The following FBXO17 variants were observed in gnomAD, a reference collection of about 807,000 sequenced individuals.
The protein encoded by FBXO17 is F-box protein 17.
FBXO17 carries 43 observed loss-of-function variants against 34.1 expected under a neutral mutation model. The ratio of observed to expected loss-of-function variants is 1.26; its 90% CI spans 0.99 to 1.62. The LOEUF (loss-of-function observed/expected upper bound fraction) is 1.62. Among genes scored for constraint, FBXO17 ranks in the 40% most tolerant of loss-of-function variants. The pLI, the probability that FBXO17 is intolerant of heterozygous loss-of-function variation, is 0.00. For missense variants in FBXO17, 424 were observed against 386.7 expected (o/e 1.10, Z -0.81); for synonymous variants, 169 against 166.0 (o/e 1.02, Z -0.14).
At chr19:38,962,706 CTTTTTT>C (rs1600201481) in intron 1 of FBXO17, among the ~76,000 whole-genome samples, 2 of 150,554 alleles carry the variant, frequency 1.3e-5, no homozygotes, top group East Asian at 3.9e-4. Flanking sequence ...TTCTTTCTTT[CTTTTTT>C]CTTTTTCTTT....
In FBXO17 at chr19:38,954,127, C is replaced by G. The variant is rs1015744627; in HGVS notation, c.-17-3791G>C. Among the ~76,000 whole-genome samples, 5 of 152,030 alleles carry G rather than the reference C, an allele frequency of 3.3e-5. No individual in the cohort carries two copies. The East Asian group carries it at 7.7e-4, about 23-fold the overall frequency. On this transcript the variant is annotated intron_variant, in intron 1 of 5. Coordinates refer to ENST00000292852, the MANE Select transcript of FBXO17 (RefSeq NM_024907.7). ...TCAAGTTCACAGACTTGAAATTAGCCTGGCCAGGGGGCTGTGTTGTTTTTT... is the reference window on the plus strand; with the variant it reads ...TCAAGTTCACAGACTTGAAATTAGCGTGGCCAGGGGGCTGTGTTGTTTTTT...
intron 2 of FBXO17, 59 bp downstream of exon 2, chr19:38,949,912 G>A (rs1399426701): frequency 5.6e-6 from 7 of 1,256,490 alleles, no homozygotes; most frequent in East Asian, 2.8e-5. Context: ...TCCCGGCCCC[G>A]CCCCCGCCTC....
chr19:38,959,210 T>C (rs982745993), intron 1 of FBXO17, among the ~76,000 whole-genome samples: 3 of 151,636 alleles, frequency 2.0e-5, no homozygotes, highest in African/African-American at 7.3e-5. Flanking sequence ...GTGCCCGGCC[T>C]GCTAAGGGAT....
At chr19:38,950,977 A>G (rs1975074886) in intron 1 of FBXO17, among the ~76,000 whole-genome samples, 1 of 151,234 alleles carries the variant, frequency 6.6e-6, no homozygotes, top group South Asian at 2.1e-4. Flanking sequence ...TTTTTAGTAG[A>G]GACGGGGTTT....
In FBXO17 at chr19:38,949,906, G is replaced by T. The variant is rs1028821398; in HGVS notation, c.349+65C>A. ...GGCTACATCTCTCAGACTCTGTCCC[G>T]GCCCCGCCCCCGCCTCGCTCGCGCG... On this transcript the variant is annotated intron_variant, in intron 2 of 5. Coordinates refer to ENST00000292852, the MANE Select transcript of FBXO17 (RefSeq NM_024907.7). 4.2e-6 allele frequency: 6 copies of T among 1,442,374 alleles called. No individual in the cohort carries two copies. The Admixed American group carries it at 1.5e-4, about 36-fold the overall frequency. The allele number at this position is 1,442,374 out of a possible 1,614,324, so 89.3% of individuals were successfully genotyped here. A position where few individuals can be genotyped will look rare whatever the true frequency, so the allele number is the denominator to read the frequency against.
intron 1 of FBXO17, among the ~76,000 whole-genome samples, chr19:38,973,235 C>T (rs1975412987): frequency 1.3e-5 from 2 of 152,116 alleles, no homozygotes; most frequent in Non-Finnish European, 1.5e-5. Context: ...ATTAGCCAGG[C>T]GTGGTGGCAC....
At chr19:38,952,585 G>A (rs373927011) in intron 1 of FBXO17, 39 of 534,242 alleles carry the variant, frequency 7.3e-5, no homozygotes, top group Non-Finnish European at 1.2e-4. Flanking sequence ...TGCTTCATGC[G>A]TCATCTGCTG....
At chr19:38,960,053 C>T (rs1975225704) in intron 1 of FBXO17, among the ~76,000 whole-genome samples, 1 of 152,126 alleles carries the variant, frequency 6.6e-6, no homozygotes, top group South Asian at 2.1e-4. Flanking sequence ...TCAAAGCCAT[C>T]AAACAAAAGA....
chr19:38,944,266 ATTATTATTATTAT>A (rs1345806974), intron 5 of FBXO17, among the ~76,000 whole-genome samples: 1 of 84,988 alleles, frequency 1.2e-5, no homozygotes, highest in Admixed American at 1.2e-4. Context: ...CATTATTATT[ATTATTATTATTAT>A]TATTTTTAGT....
At chr19:38,964,814 T>C (rs1456981803) in intron 1 of FBXO17, among the ~76,000 whole-genome samples, 1 of 151,886 alleles carries the variant, frequency 6.6e-6, no homozygotes, top group Non-Finnish European at 1.5e-5. Flanking sequence ...CCCTGGGAAG[T>C]GTGGATGCTG....
intron 2 of FBXO17, 82 bp downstream of exon 2, chr19:38,949,889 C>T: frequency 7.0e-7 from 1 of 1,423,212 alleles, no homozygotes; most frequent in Non-Finnish European, 9.2e-7. Context: ...TTGGCTACAT[C>T]TCTCAGACTC....
intron 1 of FBXO17, among the ~76,000 whole-genome samples, chr19:38,959,272 TTTCTTTCTTTC>T (rs147015436): frequency 0.21 from 20,448 of 97,394 alleles, 1,597 homozygotes; most frequent in African/African-American, 0.35. Flanking sequence ...TCTTTCTTTC[TTTCTTTCTTTC>T]TTTTTTTTTT....
intron 1 of FBXO17, among the ~76,000 whole-genome samples, chr19:38,970,688 C>T (rs1975380258): frequency 6.6e-6 from 1 of 152,096 alleles, no homozygotes; most frequent in Non-Finnish European, 1.5e-5. Context: ...TAGTTACTCC[C>T]CTGAGAATGA....
At chr19:38,970,206 A>G (rs1488080873) in intron 1 of FBXO17, among the ~76,000 whole-genome samples, 2 of 151,942 alleles carry the variant, frequency 1.3e-5, no homozygotes, top group East Asian at 3.9e-4. Context: ...AAAAGCAAAA[A>G]AAAAAAAAAA....
chr19:38,966,590 C>CA (rs1282217246), intron 1 of FBXO17, among the ~76,000 whole-genome samples: 1 of 151,890 alleles, frequency 6.6e-6, no homozygotes, highest in African/African-American at 2.4e-5. Flanking sequence ...AGAATGTCTA[C>CA]AAGAAGAAAA....
intron 2 of FBXO17, 200 bp downstream of exon 2, chr19:38,949,771 C>T: frequency 3.0e-6 from 2 of 664,480 alleles, no homozygotes; most frequent in South Asian, 2.0e-5. Context: ...GCCCCGCCCA[C>T]TCGTTCGGAT....
intron 1 of FBXO17, among the ~76,000 whole-genome samples, chr19:38,960,223 T>C (rs146668518): frequency 3.9e-5 from 6 of 152,286 alleles, no homozygotes; most frequent in Non-Finnish European, 8.8e-5. Context: ...TGAATCATGA[T>C]ACCAGTTTGT....
At chr19:38,971,838 T>G (rs549846308) in intron 1 of FBXO17, among the ~76,000 whole-genome samples, 3 of 151,714 alleles carry the variant, frequency 2.0e-5, no homozygotes, top group Non-Finnish European at 2.9e-5. Flanking sequence ...AGCAGTTATG[T>G]TGACAGTGTT....
At chr19:38,949,886 C>A in intron 2 of FBXO17, 85 bp downstream of exon 2, 1 of 1,406,228 alleles carries the variant, frequency 7.1e-7, no homozygotes, top group South Asian at 1.5e-5. Flanking sequence ...CCATTGGCTA[C>A]ATCTCTCAGA....
Sources: gnomAD v4.1 joint callset for allele counts (sites outside exome capture counted in the v4.1 genomes callset) on GRCh38, gnomAD v4.1.1 for gene constraint, MANE v1.5 for transcripts, NCBI Gene and HGNC (gene_info 2026-07-23, HGNC 2026-07-21) for gene names.